NUP98: variants seen among roughly 807,000 people sequenced by gnomAD.
NUP98 encodes the protein nuclear pore complex protein Nup98-Nup96.
In NUP98, 26 loss-of-function variants were observed where a neutral mutation model predicts 191.9. The ratio of observed to expected loss-of-function variants is 0.14; its 90% CI spans 0.10 to 0.19. The LOEUF is 0.19. NUP98 is among the 10% of genes least tolerant of loss of function. The probability of loss-of-function intolerance (pLI) is 1.00; values close to 1 mark genes in which losing one functional copy is unlikely to be tolerated. For missense variants in NUP98, 1,941 were observed against 2,178.8 expected, an observed-to-expected ratio of 0.89 and a Z score of 2.17; for synonymous variants, 808 against 778.4, an observed-to-expected ratio of 1.04 and a Z score of -0.63.
At chr11:3,758,271 A>G (rs867909238) in intron 10 of NUP98, among the ~76,000 whole-genome samples, 12 of 151,852 alleles carry the variant, frequency 7.9e-5, no homozygotes, top group Admixed American at 2.6e-4. Flanking sequence ...CAGTGAGCCC[A>G]TATCTGGCCA....
At chr11:3,785,755 T>C (rs1035059060) in intron 1 of NUP98, among the ~76,000 whole-genome samples, 1 of 152,214 alleles carries the variant, frequency 6.6e-6, no homozygotes, top group African/African-American at 2.4e-5. Context: ...TGAGACTCTG[T>C]CTCAACAAAC....
chr11:3,791,606 A>G (rs898437863), intron 1 of NUP98, among the ~76,000 whole-genome samples: 1 of 149,668 alleles, frequency 6.7e-6, no homozygotes, highest in Admixed American at 6.7e-5. Context: ...GCATTTCGGG[A>G]GACCGAGGCA....
intron 4 of NUP98, among the ~76,000 whole-genome samples, chr11:3,777,342 G>A (rs546079624): frequency 2.0e-5 from 3 of 152,328 alleles, no homozygotes; most frequent in Admixed American, 2.0e-4. Flanking sequence ...AAGAAGTTAT[G>A]CCAGGTGCGG....
In NUP98 at chr11:3,719,429, C is replaced by T. The variant is rs1469516142; in HGVS notation, c.2382G>A (p.Val794=). The T allele has an allele frequency of 3.1e-6, 5 of 1,597,752 alleles. No individual in the cohort carries two copies. The highest frequency in any genetic ancestry group is 1.4e-5 in the African/African-American group (1 of 73,910). ...VYLDDNQKPP[V]GEGLNRKAEV... is the part of the protein sequence containing the mutation. Reference sequence around the variant, plus strand: ...ACTCTTACCTATTTAGCCCTTCACCCACAGGTGGTTTTTGGTTATCATCTA... The same window carrying T: ...ACTCTTACCTATTTAGCCCTTCACCTACAGGTGGTTTTTGGTTATCATCTA... The change falls in exon 18 of 33, where the codon GTG becomes GTA. Residue 794 remains valine, a synonymous_variant. Transcript: ENST00000324932.
chr11:3,772,203 T>C (rs2081553268), intron 6 of NUP98, among the ~76,000 whole-genome samples: 1 of 152,024 alleles, frequency 6.6e-6, no homozygotes, highest in Non-Finnish European at 1.5e-5. Context: ...TGGTAAAATG[T>C]CATAAAATAA....
intron 10 of NUP98, among the ~76,000 whole-genome samples, chr11:3,756,641 C>T (rs1459350469): frequency 6.6e-6 from 1 of 151,090 alleles, no homozygotes; most frequent in Non-Finnish European, 1.5e-5. Context: ...CAGTCTATCT[C>T]GAACTCCTGA....
chr11:3,703,565 G>A (rs1400843534), intron 22 of NUP98, among the ~76,000 whole-genome samples: 1 of 152,060 alleles, frequency 6.6e-6, no homozygotes, highest in East Asian at 1.9e-4. Context: ...TTGTATATAT[G>A]AGAAAACTGA....
chr11:3,795,107 A>T (rs1005693343), intron 1 of NUP98, among the ~76,000 whole-genome samples: 1 of 152,228 alleles, frequency 6.6e-6, no homozygotes, highest in Non-Finnish European at 1.5e-5. Flanking sequence ...TTCCTTAAAA[A>T]TTCTACTTGC....
intron 12 of NUP98, among the ~76,000 whole-genome samples, chr11:3,736,531 C>T (rs1372304695): frequency 6.6e-6 from 1 of 152,080 alleles, no homozygotes; most frequent in African/African-American, 2.4e-5. Flanking sequence ...GGGGCGCACA[C>T]CTATAACCCC....
At chr11:3,760,425 G>A (rs774834567) in intron 10 of NUP98, 114 bp downstream of exon 10, 5 of 1,431,966 alleles carry the variant, frequency 3.5e-6, no homozygotes, top group East Asian at 2.3e-5. Context: ...TACGAATCAG[G>A]AGAATAACGT....
intron 4 of NUP98, among the ~76,000 whole-genome samples, chr11:3,777,223 G>C: frequency 6.6e-6 from 1 of 151,626 alleles, no homozygotes; most frequent in East Asian, 1.9e-4. Context: ...GCAAATCCTT[G>C]GATTACTTTA....
intron 24 of NUP98, among the ~76,000 whole-genome samples, chr11:3,700,170 A>G (rs1321640471): frequency 6.7e-6 from 1 of 149,114 alleles, no homozygotes; most frequent in Non-Finnish European, 1.5e-5. Flanking sequence ...CCTGGCCAAT[A>G]TGGTGAAACC....
Position 3,702,793 on chromosome 11 carries a change from T to G in NUP98, c.3182A>C (p.Asn1061Thr), listed in dbSNP as rs755481919. 1 of 1,613,986 alleles carries G rather than the reference T, an allele frequency of 6.2e-7. No homozygotes were observed. The highest frequency in any genetic ancestry group is 8.5e-7 in the Non-Finnish European group (1 of 1,180,016). Reference sequence around the variant, plus strand: ...AGACCAAGAGGATGTGGATGGGATATTCATTAAAGATGCTGCTCTGGGAGT... The same window carrying G: ...AGACCAAGAGGATGTGGATGGGATAGTCATTAAAGATGCTGCTCTGGGAGT... ...CRTPRAASLM[N>T]IPSTSSWSVP... is the part of the protein sequence containing the mutation. Residue 1061 changes from asparagine to threonine, a missense_variant, in exon 23 of 33, where the codon AAT (asparagine) becomes ACT (threonine). By Grantham distance (65) the Asn-to-Thr change is moderately conservative. Transcript: ENST00000324932.
At chr11:3,792,307 G>C (rs2082383250) in intron 1 of NUP98, among the ~76,000 whole-genome samples, 1 of 149,050 alleles carries the variant, frequency 6.7e-6, no homozygotes, top group Non-Finnish European at 1.5e-5. Flanking sequence ...AATTAAATTT[G>C]TCAACATCTG....
chr11:3,754,405 AGAGT>A (rs1252718643), intron 10 of NUP98, among the ~76,000 whole-genome samples: 3 of 152,220 alleles, frequency 2.0e-5, no homozygotes, highest in Non-Finnish European at 4.4e-5. Flanking sequence ...TAGCATGGAT[AGAGT>A]GAGACTCTGT....
rs1174677363 is a variant in NUP98, at chr11:3,723,316, TGCTGTG to T, written c.1981_1986del (p.His661_Ser662del). ...ATGGTATCATCCACACTGTTGCTGT[TGCTGTG>T]TTTATTTCCAGCACTTTCTGGGGTT... On this transcript the variant is annotated inframe_deletion, in exon 16 of 33. Transcript: ENST00000324932. The T allele has an allele frequency of 1.9e-6, 3 of 1,614,092 alleles. No homozygotes were observed. The African/African-American group carries it at 4.0e-5, about 22-fold the overall frequency.
chr11:3,792,086 G>A (rs1170394666), intron 1 of NUP98, among the ~76,000 whole-genome samples: 1 of 145,316 alleles, frequency 6.9e-6, no homozygotes, highest in Non-Finnish European at 1.5e-5. Flanking sequence ...GGATGAGGCA[G>A]GAGAATGGCG....
chr11:3,735,265 T>C lies in NUP98; in HGVS notation c.1468A>G (p.Ser490Gly). 1.3e-6 allele frequency: 2 copies of C among 1,596,152 alleles called. No individual in the cohort carries two copies. Among genetic ancestry groups the C allele is most frequent in the East Asian group, 4.5e-5 (2 of 44,726 alleles). The change falls in exon 13 of 33, where the codon AGT becomes GGT. Residue 490 changes from serine (S) to glycine (G), a missense_variant. Ser to Gly is a moderately conservative substitution (Grantham distance 56, BLOSUM62 0). Around this residue, in one of 6 missense-constraint regions of NUP98, gnomAD observed 453 missense variants for 438.2 expected, o/e 1.03. Transcript: ENST00000324932. The part of the protein sequence containing the change: ...QQAVLQQHIN[S>G]LTYSPFGDSP... ...TCTCCAAAAGGTGAGTATGTTAGACTATTGATGTGCTGCTGGAGAACAGCC... is the reference window on the plus strand; with the variant it reads ...TCTCCAAAAGGTGAGTATGTTAGACCATTGATGTGCTGCTGGAGAACAGCC...
intron 22 of NUP98, among the ~76,000 whole-genome samples, chr11:3,703,134 A>C (rs1414139078): frequency 6.6e-6 from 1 of 152,140 alleles, no homozygotes; most frequent in African/African-American, 2.4e-5. Flanking sequence ...AAAAGCAACA[A>C]CACTATTAAT....
Sources: gnomAD v4.1 joint callset for allele counts (sites outside exome capture counted in the v4.1 genomes callset) on GRCh38, gnomAD v4.1.1 for gene constraint, gnomAD v4.1.1 regional missense constraint, MANE v1.5 for transcripts, NCBI Gene and HGNC (gene_info 2026-07-23, HGNC 2026-07-21) for gene names.